Variants in CELF5 observed in about 807,000 individuals in gnomAD.
The protein encoded by CELF5 is CUG-BP and ETR-3 like factor 5.
CELF5 carries 6 observed loss-of-function variants against 54.9 expected under a neutral mutation model. That is an observed-to-expected ratio of 0.11 (90% confidence interval 0.06 to 0.22). The LOEUF (loss-of-function observed/expected upper bound fraction) is 0.22, where lower values mean the gene tolerates loss of function less well. CELF5 is among the 10% of genes least tolerant of loss of function. The pLI, the probability that CELF5 is intolerant of heterozygous loss-of-function variation, is 1.00. For synonymous variants in CELF5, 271 were observed against 290.9 expected, an observed-to-expected ratio of 0.93 and a Z score of 0.70; for missense variants, 401 against 678.6, an observed-to-expected ratio of 0.59 and a Z score of 4.54.
chr19:3,279,119 G>T (rs1480895148), intron 5 of CELF5, among the ~76,000 whole-genome samples: 3 of 152,122 alleles, frequency 2.0e-5, no homozygotes, highest in African/African-American at 7.2e-5. Context: ...CTAGGCCAAG[G>T]TCCAGCTGAG....
intron 2 of CELF5, among the ~76,000 whole-genome samples, chr19:3,271,446 C>T (rs1391075977): frequency 6.6e-6 from 1 of 152,096 alleles, no homozygotes; most frequent in East Asian, 1.9e-4. Context: ...TTTTCCTCTC[C>T]TAGGTGATCA....
intron 2 of CELF5, among the ~76,000 whole-genome samples, chr19:3,269,843 G>C (rs2079933226): frequency 6.6e-6 from 1 of 151,834 alleles, no homozygotes; most frequent in Non-Finnish European, 1.5e-5. Flanking sequence ...GCTCACTGTG[G>C]CCTCAAACTC....
chr19:3,224,831 C>T lies in CELF5; in HGVS notation c.92C>T (p.Pro31Leu). ...CCCGTGGGCAGCAGCGGGCCCGAGC[C>T]CCCCGGGGGGCAGCCCGACGGCATG... ...PSPVGSSGPE[P>L]PGGQPDGMKD... The change falls in exon 1 of 13, where the codon CCC (proline) becomes CTC (leucine). Residue 31 changes from proline (P) to leucine (L), a missense_variant. Around this residue, in one of 6 missense-constraint regions of CELF5, gnomAD observed 46 missense variants for 55.0 expected, o/e 0.84. Coordinates refer to ENST00000292672, the MANE Select transcript of CELF5 (RefSeq NM_021938.4). The T allele has an allele frequency of 4.4e-6, 7 of 1,584,756 alleles. No individual in the cohort carries two copies. The highest frequency in any genetic ancestry group is 6.0e-6 in the Non-Finnish European group (7 of 1,167,020).
chr19:3,243,189 A>T (rs1434819896), intron 1 of CELF5, among the ~76,000 whole-genome samples: 1 of 151,136 alleles, frequency 6.6e-6, no homozygotes, highest in African/African-American at 2.4e-5. Flanking sequence ...TTGGTTTTTA[A>T]TTTTTTTGTT....
chr19:3,231,494 G>A lies in CELF5; in HGVS notation c.259+6496G>A, dbSNP rs79893621. On this transcript the variant is annotated intron_variant, in intron 1 of 12. Transcript: ENST00000292672. ...GATGGATGGATGGATGGATGGATGGGTGGATGAATGGATTTATGGATGGAT... is the reference window on the plus strand; with the variant it reads ...GATGGATGGATGGATGGATGGATGGATGGATGAATGGATTTATGGATGGAT... 8.9e-4 allele frequency among the ~76,000 whole-genome samples: 106 copies of A among 119,752 alleles called. 1 individual carries two copies. Among genetic ancestry groups the A allele is most frequent in the African/African-American group, 4.4e-3 (97 of 22,294 alleles). 78.6% of individuals were successfully genotyped at this position (119,752 alleles called of 152,430 possible).
Position 3,240,926 on chromosome 19 carries a change from C to T in CELF5, c.260-10059C>T, listed in dbSNP as rs565364494. Among the ~76,000 whole-genome samples, 9 of 152,170 alleles carry T rather than the reference C, an allele frequency of 5.9e-5. No homozygotes were observed. In the East Asian group the frequency reaches 7.7e-4, roughly 13 times the overall value. ...TTTTGGGCTGAGGTCCCCAGCTGCC[C>T]GGGCTGGAGAAACTTATCCATTGAG... On this transcript the variant is annotated intron_variant, in intron 1 of 12. Transcript: ENST00000292672.
Position 3,278,146 on chromosome 19 carries a change from G to A in CELF5, c.603+36G>A. The A allele has an allele frequency of 3.0e-6, 4 of 1,354,676 alleles. No homozygotes were observed. The highest frequency in any genetic ancestry group is 1.4e-5 in the African/African-American group (1 of 69,794). The allele number at this position is 1,354,676 out of a possible 1,614,324, so 83.9% of individuals were successfully genotyped here. Reference sequence around the variant, plus strand: ...GCTGCCCTTGGCCGTGGGGGTGGGGGTGGGAAAGGGGTGAGGGGGACAGGG... The same window carrying A: ...GCTGCCCTTGGCCGTGGGGGTGGGGATGGGAAAGGGGTGAGGGGGACAGGG... On this transcript the variant is annotated intron_variant, in intron 5 of 12. Transcript: ENST00000292672. This position sits in a 1 kb window ranked among gnomAD's most constrained non-coding sequence, Gnocchi z 4.5.
intron 12 of CELF5, chr19:3,294,395 T>C (rs1307236947): frequency 1.5e-5 from 2 of 133,838 alleles, no homozygotes; most frequent in Admixed American, 1.5e-4. Context: ...GAGTTCTGGA[T>C]GATTCGTTTT....
At chr19:3,251,672 T>TTTGTTG (rs1555720291) in intron 2 of CELF5, among the ~76,000 whole-genome samples, 1 of 121,300 alleles carries the variant, frequency 8.2e-6, no homozygotes, top group African/African-American at 3.1e-5. Flanking sequence ...TTTTTTTTTT[T>TTTGTTG]TTGTTGTTGT....
intron 2 of CELF5, among the ~76,000 whole-genome samples, chr19:3,254,303 C>T (rs775825819): frequency 6.6e-6 from 1 of 151,838 alleles, no homozygotes; most frequent in Non-Finnish European, 1.5e-5. Context: ...ACCCATCTGC[C>T]CATGTGTCTA....
At chr19:3,231,490 A>ATGGATGGC (rs1397193688) in intron 1 of CELF5, among the ~76,000 whole-genome samples, 1 of 123,580 alleles carries the variant, frequency 8.1e-6, no homozygotes, top group African/African-American at 3.7e-5. Flanking sequence ...GGATGGATGG[A>ATGGATGGC]TGGGTGGATG....
chr19:3,285,045 G>T, intron 9 of CELF5, 81 bp downstream of exon 9: 2 of 970,714 alleles, frequency 2.1e-6, no homozygotes, highest in Non-Finnish European at 3.1e-6. Flanking sequence ...CGCCCCGGAC[G>T]TGTCGTTCTT....
chr19:3,289,785 T>A (rs1344249264), intron 10 of CELF5, among the ~76,000 whole-genome samples: 1 of 151,406 alleles, frequency 6.6e-6, no homozygotes, highest in Non-Finnish European at 1.5e-5. Flanking sequence ...TTATTATTAT[T>A]ATTATTGCAA....
intron 8 of CELF5, chr19:3,284,649 G>A (rs558978208): frequency 3.7e-6 from 2 of 537,498 alleles, no homozygotes; most frequent in South Asian, 4.5e-5. Context: ...GAGGGAGATG[G>A]GGACGATGGT....
chr19:3,244,216 G>A (rs2079529010), intron 1 of CELF5, among the ~76,000 whole-genome samples: 1 of 152,064 alleles, frequency 6.6e-6, no homozygotes, highest in Non-Finnish European at 1.5e-5. Flanking sequence ...ACAGCGTCAG[G>A]GCGGGCTTTT....
chr19:3,229,476 C>T (rs76036660), intron 1 of CELF5, among the ~76,000 whole-genome samples: 14,461 of 152,092 alleles, frequency 0.095, 763 homozygotes, highest in Middle Eastern at 0.16. Flanking sequence ...GCCCTGCCCC[C>T]GCAGGAGTGG....
intron 1 of CELF5, among the ~76,000 whole-genome samples, chr19:3,249,546 T>C (rs1039743984): frequency 6.7e-6 from 1 of 148,690 alleles, no homozygotes; most frequent in Non-Finnish European, 1.5e-5. Context: ...AGCCTCACTC[T>C]GGGCCACTCT....
At chr19:3,262,297 G>A (rs889485677) in intron 2 of CELF5, among the ~76,000 whole-genome samples, 3 of 152,238 alleles carry the variant, frequency 2.0e-5, no homozygotes, top group Admixed American at 6.5e-5. Context: ...CCAAAGTGCT[G>A]GGATTACAGG....
intron 10 of CELF5, among the ~76,000 whole-genome samples, chr19:3,287,971 C>G (rs1319989417): frequency 6.6e-6 from 1 of 152,044 alleles, no homozygotes; most frequent in Non-Finnish European, 1.5e-5. Flanking sequence ...GACTGTGAAA[C>G]GGTGGAGGGA....
Sources: allele counts gnomAD v4.1 joint callset (sites outside exome capture counted in the v4.1 genomes callset), GRCh38; gene constraint gnomAD v4.1.1; regional missense constraint gnomAD v4.1.1; non-coding constraint Gnocchi (gnomAD v3.1); transcripts MANE v1.5; gene names NCBI Gene and HGNC (gene_info 2026-07-23, HGNC 2026-07-21).